Variants in ALG6 observed in about 807,000 individuals in gnomAD.
ALG6 encodes the protein dolichyl pyrophosphate Man9GlcNAc2 alpha-1,3-glucosyltransferase.
Under a neutral mutation model 66.6 loss-of-function variants are expected in ALG6, and 46 were observed. That is an observed-to-expected ratio of 0.69 (90% CI 0.55 to 0.88). ALG6 has a LOEUF of 0.88. Among genes scored for constraint, ALG6 ranks in the 40% least tolerant of loss-of-function variants. The pLI is 0.00. For missense variants in ALG6, 505 were observed against 586.8 expected, an observed-to-expected ratio of 0.86 and a Z score of 1.44; for synonymous variants, 185 against 203.7, an observed-to-expected ratio of 0.91 and a Z score of 0.78.
At chr1:63,427,884 G>GCAACC (rs1644625488) in intron 12 of ALG6, among the ~76,000 whole-genome samples, 1 of 145,564 alleles carries the variant, frequency 6.9e-6, no homozygotes, top group African/African-American at 2.6e-5. Flanking sequence ...TCAGCTCACT[G>GCAACC]CAACCTCCTC....
chr1:63,400,244 CGTATATATATGTATATAT>C (rs1644444267), intron 3 of ALG6, among the ~76,000 whole-genome samples: 264 of 15,158 alleles, frequency 0.017, 89 homozygotes, highest in African/African-American at 0.081. Context: ...TATATATATA[CGTATATATATGTATATAT>C]ATATACGTAT....
At chr1:63,436,740 C>T in intron 14 of ALG6, 83 bp from the exon 15 acceptor site, 2 of 1,334,910 alleles carry the variant, frequency 1.5e-6, no homozygotes, top group Non-Finnish European at 2.1e-6. Context: ...TAATTCTGCT[C>T]ATTTAATAGC....
rs1309812214 is a variant in ALG6, at chr1:63,437,879, T to C, written c.*859T>C. ...TGCCAGAGCATTGATTCATGTTAAC[T>C]TCATCCTATTAATACTGTATCACCC... On this transcript the variant is annotated 3_prime_UTR_variant, in exon 15 of 15. Coordinates refer to ENST00000263440, the MANE Select transcript of ALG6 (RefSeq NM_013339.4). The C allele has an allele frequency of 1.3e-5, 2 of 151,978 alleles. No individual in the cohort carries two copies. Among genetic ancestry groups the C allele is most frequent in the African/African-American group, 2.4e-5 (1 of 41,410 alleles). The allele number at this position is 151,978 out of a possible 1,614,324, so 9.4% of individuals were successfully genotyped here. A position where few individuals can be genotyped will look rare whatever the true frequency, so the allele number is the denominator to read the frequency against.
chr1:63,367,987 T>C, intron 1 of ALG6, among the ~76,000 whole-genome samples: 1 of 152,104 alleles, frequency 6.6e-6, no homozygotes, highest in South Asian at 2.1e-4. Context: ...AAGGGATCCC[T>C]TTCGCCCCAT....
At chr1:63,401,376 A>G (rs1388598479) in intron 3 of ALG6, among the ~76,000 whole-genome samples, 1 of 152,144 alleles carries the variant, frequency 6.6e-6, no homozygotes, top group Non-Finnish European at 1.5e-5. Flanking sequence ...CCCATTTGAA[A>G]TAAGTTAGGC....
chr1:63,370,899 A>G lies in ALG6; in HGVS notation c.-79A>G. ...AGTGATAACATTTCTCTGAACAAGA[A>G]AAGAAGTGATTGACCACGTTTTAAA... On this transcript the variant is annotated 5_prime_UTR_variant, in exon 2 of 15. Coordinates refer to ENST00000263440, the MANE Select transcript of ALG6 (RefSeq NM_013339.4). 2.3e-6 allele frequency: 2 copies of G among 862,322 alleles called. No homozygotes were observed. Among genetic ancestry groups the G allele is most frequent in the East Asian group, 4.8e-5 (2 of 41,474 alleles). 53.4% of individuals were successfully genotyped at this position (862,322 alleles called of 1,614,324 possible).
chr1:63,415,968 C>T lies in ALG6; in HGVS notation c.987+11C>T, dbSNP rs1557592881. ...TTCAAATTTACACTGGTAAGTTTTT[C>T]ATTACTTTAGATACTTAATTCTTGC... On this transcript the variant is annotated intron_variant, in intron 11 of 14. Coordinates refer to ENST00000263440, the MANE Select transcript of ALG6 (RefSeq NM_013339.4). The T allele has an allele frequency of 6.4e-7, 1 of 1,556,964 alleles. No individual in the cohort carries two copies. The highest frequency in any genetic ancestry group is 8.9e-7 in the Non-Finnish European group (1 of 1,128,914).
chr1:63,406,962 A>G, intron 6 of ALG6, 100 bp from the exon 7 acceptor site: 1 of 848,966 alleles, frequency 1.2e-6, no homozygotes, highest in Non-Finnish European at 2.0e-6. Flanking sequence ...CCTCTGGAAA[A>G]GGGGAACATT....
At chr1:63,426,236 AG>A (rs2100437629) in intron 12 of ALG6, among the ~76,000 whole-genome samples, 1 of 152,248 alleles carries the variant, frequency 6.6e-6, no homozygotes, top group Admixed American at 6.5e-5. Flanking sequence ...GGAGATTATT[AG>A]GGTGGAGAGA....
intron 7 of ALG6, among the ~76,000 whole-genome samples, chr1:63,410,678 T>C (rs12407269): frequency 0.18 from 26,635 of 152,172 alleles, 2,472 homozygotes; most frequent in Middle Eastern, 0.25. Context: ...ATTGTTTTAA[T>C]TAACAATGTT....
At chr1:63,414,757 A>G (rs1293228882) in intron 10 of ALG6, among the ~76,000 whole-genome samples, 1 of 152,158 alleles carries the variant, frequency 6.6e-6, no homozygotes, top group Non-Finnish European at 1.5e-5. Flanking sequence ...AAGAAGTAGG[A>G]GTAGGAGATC....
chr1:63,406,905 G>A (rs186582004), intron 6 of ALG6, among the ~76,000 whole-genome samples, 157 bp from the exon 7 acceptor site: 1 of 152,100 alleles, frequency 6.6e-6, no homozygotes, highest in Non-Finnish European at 1.5e-5. Context: ...ATTGTCTAAA[G>A]AGTTGTATTA....
intron 1 of ALG6, among the ~76,000 whole-genome samples, chr1:63,370,403 T>C (rs1393924535): frequency 6.6e-6 from 1 of 152,230 alleles, no homozygotes; most frequent in African/African-American, 2.4e-5. Flanking sequence ...GTACCAAAGA[T>C]AAATCATGCC....
Position 63,400,235 on chromosome 1 carries a change from A to ACG in ALG6, c.168-2019_168-2018insCG, listed in dbSNP as rs1310757735. 9.3e-5 allele frequency among the ~76,000 whole-genome samples: 2 copies of ACG among 21,558 alleles called. 1 individual carries two copies. The highest frequency in any genetic ancestry group is 1.3e-4 in the Non-Finnish European group (2 of 15,096). The allele number at this position is 21,558 out of a possible 152,430, so 14.1% of individuals were successfully genotyped here. A position where few individuals can be genotyped will look rare whatever the true frequency, so the allele number is the denominator to read the frequency against. On this transcript the variant is annotated intron_variant, in intron 3 of 14. Coordinates refer to ENST00000263440, the MANE Select transcript of ALG6 (RefSeq NM_013339.4). ...TATATATATATACGTATATATATAT[A>ACG]TATATATACGTATATATATGTATAT...
intron 14 of ALG6, among the ~76,000 whole-genome samples, chr1:63,431,760 C>T (rs775743492): frequency 2.6e-5 from 4 of 152,054 alleles, no homozygotes; most frequent in South Asian, 4.1e-4. Context: ...TTAAGTATAA[C>T]GAATGATCCT....
At chr1:63,376,989 A>G (rs1338758937) in intron 2 of ALG6, among the ~76,000 whole-genome samples, 1 of 150,562 alleles carries the variant, frequency 6.6e-6, no homozygotes, top group Non-Finnish European at 1.5e-5. Context: ...TTTTTTTGAG[A>G]TGGAATCTCA....
At chr1:63,403,307 T>G (rs1184518164) in intron 4 of ALG6, among the ~76,000 whole-genome samples, 2 of 152,136 alleles carry the variant, frequency 1.3e-5, no homozygotes, top group African/African-American at 4.8e-5. Flanking sequence ...ATGAAAAATA[T>G]AGATCCAGAT....
intron 3 of ALG6, among the ~76,000 whole-genome samples, chr1:63,399,654 C>G (rs1487360406): frequency 2.0e-5 from 3 of 152,106 alleles, no homozygotes; most frequent in Non-Finnish European, 4.4e-5. Flanking sequence ...TTTTCTGTAA[C>G]TTTGAAACTG....
chr1:63,410,729 A>G (rs79485608), intron 7 of ALG6, among the ~76,000 whole-genome samples: 1,889 of 152,130 alleles, frequency 0.012, 32 homozygotes, highest in African/African-American at 0.043. Flanking sequence ...TTATACTATT[A>G]ATATATATAA....
Sources: gnomAD v4.1 joint callset for allele counts (sites outside exome capture counted in the v4.1 genomes callset) on GRCh38, gnomAD v4.1.1 for gene constraint, MANE v1.5 for transcripts, NCBI Gene and HGNC (gene_info 2026-07-23, HGNC 2026-07-21) for gene names.